The following ALOX5AP variants were observed in gnomAD, a reference collection of about 807,000 sequenced individuals.
ALOX5AP encodes the protein arachidonate 5-lipoxygenase activating protein.
Under a neutral mutation model 18.5 loss-of-function variants are expected in ALOX5AP, and 9 were observed. The observed-to-expected ratio is 0.49, with a 90% CI of 0.29 to 0.85. The LOEUF (loss-of-function observed/expected upper bound fraction) is 0.85, where lower values mean the gene tolerates loss of function less well. ALOX5AP is among the 40% of genes least tolerant of loss of function. The pLI, the probability that ALOX5AP is intolerant of heterozygous loss-of-function variation, is 0.08. For synonymous variants in ALOX5AP, 81 were observed against 78.6 expected, an observed-to-expected ratio of 1.03 and a Z score of -0.16; for missense variants, 172 against 202.5, an observed-to-expected ratio of 0.85 and a Z score of 0.91.
upstream of ALOX5AP, among the ~76,000 whole-genome samples, chr13:30,731,201 T>C (rs1951678153): frequency 6.6e-6 from 1 of 152,172 alleles, no homozygotes; most frequent in African/African-American, 2.4e-5. Flanking sequence ...CTCAGTGCTT[T>C]AGCCTGTGAG....
chr13:30,759,425 C>T (rs1165153444), intron 4 of ALOX5AP, among the ~76,000 whole-genome samples: 1 of 152,188 alleles, frequency 6.6e-6, no homozygotes, highest in Non-Finnish European at 1.5e-5. Context: ...TCCTCATTCA[C>T]TCAACATTGA....
At chr13:30,714,896 C>G (rs917294204) in intron 1 of ALOX5AP, among the ~76,000 whole-genome samples, 8 of 152,192 alleles carry the variant, frequency 5.3e-5, no homozygotes, top group African/African-American at 1.9e-4. Flanking sequence ...TGGCACTTAT[C>G]ATATTACCCA....
intron 2 of ALOX5AP, among the ~76,000 whole-genome samples, chr13:30,745,409 T>C (rs4356336): frequency 0.49 from 74,893 of 151,456 alleles, 18,833 homozygotes; most frequent in East Asian, 0.62. Context: ...CATTTTCCCT[T>C]TCAGACAGCC....
rs371574946 is a variant in ALOX5AP, at chr13:30,728,109, A to T, written c.117-7442A>T. On this transcript the variant is annotated intron_variant, in intron 1 of 5. Transcript: ENST00000617770. ...GATGGGCTCCTAATTCAATACAACT[A>T]ATGTCCTTCTATGACAGCCACAGGA... Among the ~76,000 whole-genome samples, 4 of 152,164 alleles carry T rather than the reference A, an allele frequency of 2.6e-5. No homozygotes were observed. In the South Asian group the frequency reaches 8.3e-4, roughly 32 times the overall value.
At chr13:30,734,015 T>C (rs1175619991), upstream of ALOX5AP, among the ~76,000 whole-genome samples, 2 of 152,098 alleles carry the variant, frequency 1.3e-5, no homozygotes, top group East Asian at 1.9e-4. Flanking sequence ...CTTTTCTGAG[T>C]CTCCAGCTTG....
intron 1 of ALOX5AP, among the ~76,000 whole-genome samples, chr13:30,739,311 C>T (rs149149314): frequency 2.7e-4 from 41 of 152,350 alleles, no homozygotes; most frequent in African/African-American, 7.9e-4. Flanking sequence ...CTGGAGGGGC[C>T]GCTGTAGGCT....
intron 2 of ALOX5AP, chr13:30,744,453 C>T (rs1269487773): frequency 3.6e-6 from 1 of 279,634 alleles, no homozygotes; most frequent in African/African-American, 2.2e-5. Flanking sequence ...AGAAGTTGAC[C>T]TATTTCCTGT....
At position 30,714,696 on chromosome 13, in the gene ALOX5AP, G is replaced by A. The variant is rs549552272; in HGVS notation, c.116+855G>A. 9.5e-4 allele frequency among the ~76,000 whole-genome samples: 145 copies of A among 152,176 alleles called. 1 individual carries two copies. The highest frequency in any genetic ancestry group is 3.4e-3 in the African/African-American group (140 of 41,500). On this transcript the variant is annotated intron_variant, in intron 1 of 5. Transcript: ENST00000617770. Reference sequence around the variant, plus strand: ...TCAAAGGGGAGAAGATCCTAGATGTGGGAAACATTGGTGGGCGTTCTGCTG... The same window carrying A: ...TCAAAGGGGAGAAGATCCTAGATGTAGGAAACATTGGTGGGCGTTCTGCTG...
At chr13:30,729,989 A>C (rs976336822) in intron 1 of ALOX5AP, among the ~76,000 whole-genome samples, 1 of 152,196 alleles carries the variant, frequency 6.6e-6, no homozygotes, top group Admixed American at 6.5e-5. Context: ...TGAGTTTGTG[A>C]TGGGAAAAGG....
rs1230269991 is a variant in ALOX5AP at position 30,745,210 on chromosome 13, T to G, written c.170+1051T>G. Among the ~76,000 whole-genome samples, 3 of 152,232 alleles carry G rather than the reference T, an allele frequency of 2.0e-5. No individual in the cohort carries two copies. The East Asian group carries it at 5.8e-4, about 29-fold the overall frequency. On this transcript the variant is annotated intron_variant, in intron 2 of 4. Transcript: ENST00000380490. Reference sequence around the variant, plus strand: ...CACTGATATACTCTCTCTTCAGTCCTTCTCCTCATCTAGGTATTTTTAATT... The same window carrying G: ...CACTGATATACTCTCTCTTCAGTCCGTCTCCTCATCTAGGTATTTTTAATT...
At chr13:30,728,331 T>C (rs990517687) in intron 1 of ALOX5AP, among the ~76,000 whole-genome samples, 4 of 152,212 alleles carry the variant, frequency 2.6e-5, no homozygotes, top group Non-Finnish European at 4.4e-5. Context: ...TCTGTTGTTT[T>C]AAGCCACTCA....
chr13:30,719,044 G>A (rs1312643475), intron 1 of ALOX5AP, among the ~76,000 whole-genome samples: 1 of 152,170 alleles, frequency 6.6e-6, no homozygotes, highest in African/African-American at 2.4e-5. Flanking sequence ...GCAGGCTGTG[G>A]TGAAATCCCA....
At chr13:30,754,241 A>G (rs914783275) in intron 3 of ALOX5AP, among the ~76,000 whole-genome samples, 7 of 77,690 alleles carry the variant, frequency 9.0e-5, no homozygotes, top group African/African-American at 2.2e-4. Flanking sequence ...CTCCGTCTCA[A>G]AAAGAGTTCA....
chr13:30,717,087 A>G (rs1234533478), intron 1 of ALOX5AP, among the ~76,000 whole-genome samples: 4 of 152,178 alleles, frequency 2.6e-5, no homozygotes, highest in Admixed American at 6.5e-5. Context: ...CTCCACCGCT[A>G]CACATCACTC....
chr13:30,756,504 A>G (rs1458859324), intron 4 of ALOX5AP, among the ~76,000 whole-genome samples: 4 of 152,184 alleles, frequency 2.6e-5, no homozygotes, highest in African/African-American at 7.2e-5. Context: ...GGAAAATAAG[A>G]TGCAGTAAGA....
At chr13:30,740,130 G>C (rs1056186346) in intron 1 of ALOX5AP, among the ~76,000 whole-genome samples, 1 of 152,178 alleles carries the variant, frequency 6.6e-6, no homozygotes, top group African/African-American at 2.4e-5. Context: ...CACCTATGCA[G>C]ATAGGTGTCT....
intron 1 of ALOX5AP, among the ~76,000 whole-genome samples, chr13:30,737,593 A>C (rs1951731390): frequency 6.6e-6 from 1 of 152,152 alleles, no homozygotes; most frequent in South Asian, 2.1e-4. Context: ...GGAAGTGATG[A>C]GTGTGCTGGG....
chr13:30,756,770 G>A (rs1354828351), intron 4 of ALOX5AP, among the ~76,000 whole-genome samples: 10 of 131,946 alleles, frequency 7.6e-5, no homozygotes, highest in African/African-American at 3.0e-4. Context: ...CCGAGATTGC[G>A]CCACTGCACT....
chr13:30,739,085 C>G (rs1282606944), intron 1 of ALOX5AP, among the ~76,000 whole-genome samples: 1 of 152,056 alleles, frequency 6.6e-6, no homozygotes, highest in South Asian at 2.1e-4. Context: ...CCCCCAACCA[C>G]CCCCCTCCAC....
Sources: gnomAD v4.1 joint callset for allele counts (sites outside exome capture counted in the v4.1 genomes callset) on GRCh38, gnomAD v4.1.1 for gene constraint, MANE v1.5 for transcripts, NCBI Gene and HGNC (gene_info 2026-07-23, HGNC 2026-07-21) for gene names.